The following RNGTT variants were observed in gnomAD, a reference collection of about 807,000 sequenced individuals.
The protein encoded by RNGTT is mRNA-capping enzyme.
RNGTT carries 33 observed loss-of-function variants against 79.3 expected under a neutral mutation model. The observed-to-expected ratio is 0.42, with a 90% CI of 0.32 to 0.56. RNGTT has a LOEUF of 0.56. RNGTT is among the 20% of genes least tolerant of loss of function. The probability of loss-of-function intolerance (pLI) is 0.17; values close to 1 mark genes in which losing one functional copy is unlikely to be tolerated. For synonymous variants in RNGTT, 222 were observed against 235.9 expected (o/e 0.94, Z 0.54); for missense variants, 497 against 739.1 (o/e 0.67, Z 3.80).
chr6:88,704,038 T>A (rs1203971107), intron 13 of RNGTT, among the ~76,000 whole-genome samples: 1 of 151,964 alleles, frequency 6.6e-6, no homozygotes, highest in Non-Finnish European at 1.5e-5. Context: ...GGCGGGCGGA[T>A]CACGAGGTCA....
At chr6:88,938,156 G>A (rs906713484) in intron 2 of RNGTT, among the ~76,000 whole-genome samples, 6 of 152,240 alleles carry the variant, frequency 3.9e-5, no homozygotes, top group Middle Eastern at 3.4e-3. Flanking sequence ...TATTATACGG[G>A]AGACTGTATC....
chr6:88,813,367 AC>A (rs1780206361), intron 11 of RNGTT, among the ~76,000 whole-genome samples: 2 of 152,060 alleles, frequency 1.3e-5, no homozygotes, highest in Non-Finnish European at 2.9e-5. Flanking sequence ...TCCACCAATA[AC>A]CTACCAATCC....
intron 12 of RNGTT, among the ~76,000 whole-genome samples, chr6:88,786,997 A>C (rs1779248967): frequency 6.6e-6 from 1 of 152,120 alleles, no homozygotes; most frequent in Non-Finnish European, 1.5e-5. Flanking sequence ...CCTTCACCAC[A>C]CACCGAATCT....
At chr6:88,829,701 CAAAA>C (rs766593092) in intron 11 of RNGTT, among the ~76,000 whole-genome samples, 2 of 47,626 alleles carry the variant, frequency 4.2e-5, no homozygotes, top group African/African-American at 8.8e-5. Flanking sequence ...AAATGGAAAG[CAAAA>C]AAAAAAAAAA....
intron 11 of RNGTT, among the ~76,000 whole-genome samples, chr6:88,839,925 T>C (rs1781210162): frequency 3.9e-5 from 6 of 152,162 alleles, no homozygotes. Flanking sequence ...GTTTAACAGA[T>C]CAAATTAAAC....
chr6:88,842,455 A>C (rs564437336), intron 11 of RNGTT, among the ~76,000 whole-genome samples: 18 of 152,210 alleles, frequency 1.2e-4, no homozygotes, highest in African/African-American at 4.3e-4. Context: ...GATACTAAAA[A>C]TAATAACAAA....
At chr6:88,812,470 G>T (rs180892135) in intron 11 of RNGTT, among the ~76,000 whole-genome samples, 3 of 152,128 alleles carry the variant, frequency 2.0e-5, no homozygotes, top group Admixed American at 1.3e-4. Context: ...TCATAATTTA[G>T]GCATCATTCA....
chr6:88,714,442 CTT>C (rs769098675), intron 13 of RNGTT: 19 of 120,788 alleles, frequency 1.6e-4, no homozygotes, highest in Admixed American at 3.0e-4. Flanking sequence ...AGTAAAAGTA[CTT>C]TTTTTTTTTT....
intron 13 of RNGTT, among the ~76,000 whole-genome samples, chr6:88,689,273 C>T (rs951186106): frequency 1.3e-5 from 2 of 151,720 alleles, no homozygotes; most frequent in Non-Finnish European, 2.9e-5. Context: ...GAGAACTTGT[C>T]TCTATAAAAA....
At chr6:88,625,452 T>C (rs1772591934) in intron 14 of RNGTT, among the ~76,000 whole-genome samples, 1 of 151,972 alleles carries the variant, frequency 6.6e-6, no homozygotes, top group East Asian at 1.9e-4. Context: ...TCCAAATGCT[T>C]TGAGCTGAAC....
At chr6:88,844,004 T>C (rs899783471) in intron 11 of RNGTT, among the ~76,000 whole-genome samples, 14 of 151,470 alleles carry the variant, frequency 9.2e-5, no homozygotes. Context: ...TAAGAGTACG[T>C]ACCAAACACT....
At chr6:88,821,879 AC>A (rs1443768748) in intron 11 of RNGTT, among the ~76,000 whole-genome samples, 3 of 151,266 alleles carry the variant, frequency 2.0e-5, no homozygotes, top group Non-Finnish European at 4.4e-5. Context: ...ATATTAGGCC[AC>A]TAAAAAAAAA....
intron 13 of RNGTT, among the ~76,000 whole-genome samples, chr6:88,686,618 C>G (rs1294266162): frequency 6.6e-6 from 1 of 151,918 alleles, no homozygotes; most frequent in Non-Finnish European, 1.5e-5. Context: ...AGAAACAGAC[C>G]TACGCATAGG....
chr6:88,648,154 T>C (rs185020110), intron 14 of RNGTT, among the ~76,000 whole-genome samples: 1 of 152,270 alleles, frequency 6.6e-6, no homozygotes, highest in East Asian at 1.9e-4. Flanking sequence ...GAAGAAGATA[T>C]AAAAATATTT....
chr6:88,912,749 C>G lies in RNGTT; in HGVS notation c.368-6309G>C, dbSNP rs936270675. 7.9e-5 allele frequency among the ~76,000 whole-genome samples: 12 copies of G among 152,224 alleles called. No homozygotes were observed. The South Asian group carries it at 1.9e-3, about 24-fold the overall frequency. ...CAGAAATACAAAAGATCCTCAGAGACTATTCTGAATACCTCTATGCACACA... is the reference window on the plus strand; with the variant it reads ...CAGAAATACAAAAGATCCTCAGAGAGTATTCTGAATACCTCTATGCACACA... On this transcript the variant is annotated intron_variant, in intron 4 of 15. Transcript: ENST00000369485.
At chr6:88,705,962 T>C (rs953515727) in intron 13 of RNGTT, among the ~76,000 whole-genome samples, 10 of 131,078 alleles carry the variant, frequency 7.6e-5, no homozygotes, top group Non-Finnish European at 1.4e-4. Context: ...GTGAATTATT[T>C]GGGGCAGTAG....
At chr6:88,814,475 T>G (rs917069100) in intron 11 of RNGTT, among the ~76,000 whole-genome samples, 2 of 152,158 alleles carry the variant, frequency 1.3e-5, no homozygotes, top group Admixed American at 1.3e-4. Context: ...CTGGGAAAAC[T>G]CTCCTGAATA....
intron 11 of RNGTT, among the ~76,000 whole-genome samples, chr6:88,842,720 A>C (rs1781334994): frequency 6.6e-6 from 1 of 152,202 alleles, no homozygotes; most frequent in African/African-American, 2.4e-5. Flanking sequence ...AGGGCTTCTT[A>C]AGCAAGACAG....
At chr6:88,745,052 C>T (rs1435901784) in intron 13 of RNGTT, among the ~76,000 whole-genome samples, 5 of 152,068 alleles carry the variant, frequency 3.3e-5, no homozygotes, top group South Asian at 2.1e-4. Context: ...AATTTTTGCA[C>T]GCAGGATCTG....
Sources: allele counts gnomAD v4.1 joint callset (sites outside exome capture counted in the v4.1 genomes callset), GRCh38; gene constraint gnomAD v4.1.1; transcripts MANE v1.5; gene names NCBI Gene and HGNC (gene_info 2026-07-23, HGNC 2026-07-21).